RBFOX1: variants seen among roughly 807,000 people sequenced by gnomAD.
The protein encoded by RBFOX1 is RNA binding fox-1 homolog 1.
RBFOX1 carries 8 observed loss-of-function variants against 57.7 expected under a neutral mutation model. The observed-to-expected ratio is 0.14, with a 90% CI of 0.08 to 0.25. The LOEUF is 0.25. Among genes scored for constraint, RBFOX1 ranks in the 10% least tolerant of loss-of-function variants. The pLI is 1.00. For synonymous variants in RBFOX1, 326 were observed against 222.4 expected, an observed-to-expected ratio of 1.47 and a Z score of -4.15; for missense variants, 611 against 548.5, an observed-to-expected ratio of 1.11 and a Z score of -1.14.
chr16:6,741,431 TAGC>T (rs1344834512), intron 3 of RBFOX1, among the ~76,000 whole-genome samples: 2 of 151,988 alleles, frequency 1.3e-5, no homozygotes, highest in African/African-American at 4.8e-5. Context: ...GGGAGGCTGA[TAGC>T]AGGTGGATAA....
intron 3 of RBFOX1, among the ~76,000 whole-genome samples, chr16:5,675,145 C>G (rs1310128988): frequency 6.6e-6 from 1 of 151,884 alleles, no homozygotes; most frequent in East Asian, 1.9e-4. Context: ...GAGACCCTGT[C>G]TCAAAAAAAG....
chr16:6,891,085 C>T (rs140513589), intron 3 of RBFOX1, among the ~76,000 whole-genome samples: 60 of 152,264 alleles, frequency 3.9e-4, no homozygotes, highest in South Asian at 1.7e-3. Flanking sequence ...TTGTTGACAC[C>T]AGGCGTTCTT....
At chr16:5,462,199 C>T (rs1258426735) in intron 1 of RBFOX1, among the ~76,000 whole-genome samples, 6 of 142,460 alleles carry the variant, frequency 4.2e-5, no homozygotes, top group South Asian at 4.4e-4. Context: ...GATGGAGTCT[C>T]GCTCTGTCAC....
At chr16:7,057,997 G>T (rs2052945123) in intron 4 of RBFOX1, among the ~76,000 whole-genome samples, 1 of 117,418 alleles carries the variant, frequency 8.5e-6, no homozygotes, top group Admixed American at 8.8e-5. Context: ...GACAGAGGGA[G>T]ACTGTGGGGA....
intron 3 of RBFOX1, chr16:7,003,886 G>C (rs2093059348): frequency 6.6e-6 from 1 of 151,964 alleles, no homozygotes; most frequent in Admixed American, 6.6e-5. Context: ...TTGGTAAATT[G>C]GCTTTCAGTG....
At chr16:7,517,598 A>T (rs1270200050) in intron 4 of RBFOX1, among the ~76,000 whole-genome samples, 1 of 151,892 alleles carries the variant, frequency 6.6e-6, no homozygotes, top group Non-Finnish European at 1.5e-5. Context: ...CCACACAGAC[A>T]CTGGGACCAT....
chr16:6,776,232 A>C (rs1477281515), intron 3 of RBFOX1, among the ~76,000 whole-genome samples: 1 of 152,102 alleles, frequency 6.6e-6, no homozygotes, highest in African/African-American at 2.4e-5. Flanking sequence ...TAACACGGTG[A>C]AACCCAGTCT....
chr16:5,278,822 C>G (rs918730324), intron 1 of RBFOX1, among the ~76,000 whole-genome samples: 2 of 152,188 alleles, frequency 1.3e-5, no homozygotes, highest in African/African-American at 4.8e-5. Context: ...TCTAGTTTTC[C>G]TGGCACCATT....
In RBFOX1 at chr16:6,313,777, C is replaced by G. The variant is rs553943560; in HGVS notation, c.-126-3218C>G. 2.0e-5 allele frequency among the ~76,000 whole-genome samples: 3 copies of G among 151,942 alleles called. No homozygotes were observed. The South Asian group carries it at 6.3e-4, about 32-fold the overall frequency. ...TGAGATTCTCCCTGGTCACAAATTG[C>G]TCTTCACGTAGTTTGCAAGAGTAAT... On this transcript the variant is annotated intron_variant, in intron 1 of 15. Transcript: ENST00000550418.
At chr16:6,880,405 G>A (rs1048855067) in intron 3 of RBFOX1, among the ~76,000 whole-genome samples, 1 of 152,156 alleles carries the variant, frequency 6.6e-6, no homozygotes, top group Admixed American at 6.5e-5. Context: ...CCTGTTGCAG[G>A]AATGAACATG....
At chr16:6,934,891 G>C (rs755215400) in intron 3 of RBFOX1, among the ~76,000 whole-genome samples, 2 of 152,050 alleles carry the variant, frequency 1.3e-5, no homozygotes, top group Non-Finnish European at 2.9e-5. Flanking sequence ...TTTGAGACTA[G>C]CCTAGGCAAC....
chr16:7,514,151 G>C (rs1253696040), intron 4 of RBFOX1, among the ~76,000 whole-genome samples: 3 of 152,038 alleles, frequency 2.0e-5, no homozygotes, highest in Non-Finnish European at 2.9e-5. Flanking sequence ...TGGTGGGCTG[G>C]GCAGTCTCTG....
At chr16:6,761,646 A>G (rs1452624273) in intron 3 of RBFOX1, among the ~76,000 whole-genome samples, 3 of 151,206 alleles carry the variant, frequency 2.0e-5, no homozygotes, top group African/African-American at 7.3e-5. Flanking sequence ...GGCTGGGATT[A>G]CAGGTGCTCG....
intron 2 of RBFOX1, among the ~76,000 whole-genome samples, chr16:6,372,907 C>A (rs8061381): frequency 7.7e-6 from 1 of 130,264 alleles, no homozygotes; most frequent in Non-Finnish European, 1.7e-5. Context: ...TGGATGGAAG[C>A]GTAGTTGGTT....
At chr16:6,228,590 T>C (rs1265651423) in intron 1 of RBFOX1, among the ~76,000 whole-genome samples, 1 of 152,158 alleles carries the variant, frequency 6.6e-6, no homozygotes, top group African/African-American at 2.4e-5. Flanking sequence ...ATTATCTAAC[T>C]TATATATGGA....
chr16:7,062,892 CATTTTTTTTTTTTTTTTT>C (rs1479005548), intron 4 of RBFOX1, among the ~76,000 whole-genome samples: 3 of 59,950 alleles, frequency 5.0e-5, no homozygotes, highest in South Asian at 7.7e-4. Flanking sequence ...AAATGATCGC[CATTTTTTTTTTTTTTTTT>C]TTTTTTTTTT....
At chr16:7,244,267 A>C (rs71374934) in intron 4 of RBFOX1, among the ~76,000 whole-genome samples, 2 of 146,530 alleles carry the variant, frequency 1.4e-5, no homozygotes, top group Non-Finnish European at 3.0e-5. Context: ...AAAAAAAAAA[A>C]AAAACACCCT....
chr16:7,504,498 C>T (rs2072102401), intron 4 of RBFOX1, among the ~76,000 whole-genome samples: 1 of 150,446 alleles, frequency 6.6e-6, no homozygotes, highest in African/African-American at 2.5e-5. Context: ...TGAATTGTTC[C>T]ACCATAACTC....
intron 3 of RBFOX1, among the ~76,000 whole-genome samples, chr16:6,947,111 G>C (rs547885514): frequency 6.6e-6 from 1 of 152,152 alleles, no homozygotes; most frequent in South Asian, 2.1e-4. Flanking sequence ...AATGGGATAA[G>C]ATCTGTTAAA....
Sources: allele counts gnomAD v4.1 joint callset (sites outside exome capture counted in the v4.1 genomes callset), GRCh38; gene constraint gnomAD v4.1.1; transcripts MANE v1.5; gene names NCBI Gene and HGNC (gene_info 2026-07-23, HGNC 2026-07-21).